BNIP2: variants seen among roughly 807,000 people sequenced by gnomAD.
BNIP2 encodes BCL2 interacting protein 2.
BNIP2 carries 36 observed loss-of-function variants against 43.4 expected under a neutral mutation model. The observed-to-expected ratio is 0.83, with a 90% CI of 0.64 to 1.10. The LOEUF (loss-of-function observed/expected upper bound fraction) is 1.10. BNIP2 is among the 50% of genes least tolerant of loss of function. The pLI is 0.00. For missense variants in BNIP2, 417 were observed against 374.1 expected, an observed-to-expected ratio of 1.11 and a Z score of -0.95; for synonymous variants, 146 against 121.0, an observed-to-expected ratio of 1.21 and a Z score of -1.35.
Position 59,688,893 on chromosome 15 carries a change from C to A in BNIP2, c.-58+242G>T, listed in dbSNP as rs1479187530. 2.7e-6 allele frequency: 4 copies of A among 1,475,712 alleles called. No homozygotes were observed. The African/African-American group carries it at 4.2e-5, about 16-fold the overall frequency. The allele number at this position is 1,475,712 out of a possible 1,614,324, so 91.4% of individuals were successfully genotyped here. On this transcript the variant is annotated intron_variant, in intron 1 of 9. Coordinates refer to ENST00000607373, the MANE Select transcript of BNIP2 (RefSeq NM_004330.4). ...ACAACTACCAGAAACGGAAAAGCGA[C>A]GGGGTGGGGGGCCAAACTGCCAAAT...
At chr15:59,676,815 G>T in intron 5 of BNIP2, 1 of 1,537,418 alleles carries the variant, frequency 6.5e-7, no homozygotes, top group South Asian at 1.2e-5. Context: ...CTGCAGCGCC[G>T]CTACTACTTC....
chr15:59,672,771 C>A (rs1472033205), intron 5 of BNIP2, 32 bp from the exon 6 acceptor site: 1 of 1,535,708 alleles, frequency 6.5e-7, no homozygotes, highest in Non-Finnish European at 9.0e-7. Context: ...GTATCACCAG[C>A]ACGATTTTAC....
intron 3 of BNIP2, among the ~76,000 whole-genome samples, chr15:59,679,993 T>C (rs542870410): frequency 6.6e-6 from 1 of 152,360 alleles, no homozygotes. Flanking sequence ...GCAGACCTTA[T>C]AGATACCTCT....
Position 59,660,851 on chromosome 15 carries a change from T to A in BNIP2, c.*3218A>T, listed in dbSNP as rs539180310. 1 of 152,316 alleles carries A rather than the reference T, an allele frequency of 6.6e-6. No individual in the cohort carries two copies. Among genetic ancestry groups the A allele is most frequent in the Admixed American group, 6.5e-5 (1 of 15,304 alleles). The allele number at this position is 152,316 out of a possible 1,614,324, so 9.4% of individuals were successfully genotyped here. ...TTAAGTGCTGTAACTGCTAACCTTCTCTGCTCGAACTTGCTTCTGTATGAA... is the reference window on the plus strand; with the variant it reads ...TTAAGTGCTGTAACTGCTAACCTTCACTGCTCGAACTTGCTTCTGTATGAA... On this transcript the variant is annotated 3_prime_UTR_variant, in exon 10 of 10. Coordinates refer to ENST00000607373, the MANE Select transcript of BNIP2 (RefSeq NM_004330.4).
chr15:59,686,973 C>T (rs367811002), intron 1 of BNIP2, among the ~76,000 whole-genome samples: 227 of 152,220 alleles, frequency 1.5e-3, no homozygotes, highest in African/African-American at 5.1e-3. Flanking sequence ...GCCGAGATTG[C>T]GCCATTGCAT....
intron 5 of BNIP2, among the ~76,000 whole-genome samples, chr15:59,673,738 T>C (rs1893083573): frequency 1.3e-5 from 2 of 152,118 alleles, no homozygotes; most frequent in Non-Finnish European, 1.5e-5. Context: ...GTGGGTGATT[T>C]TTAAAAGGTA....
At chr15:59,681,042 G>A (rs1246295478) in intron 2 of BNIP2, among the ~76,000 whole-genome samples, 1 of 152,174 alleles carries the variant, frequency 6.6e-6, no homozygotes, top group Non-Finnish European at 1.5e-5. Context: ...AAATATGACT[G>A]AAATGCACAA....
At chr15:59,676,352 T>A (rs1893290217) in intron 5 of BNIP2, among the ~76,000 whole-genome samples, 1 of 151,316 alleles carries the variant, frequency 6.6e-6, no homozygotes, top group African/African-American at 2.4e-5. Flanking sequence ...TTTATTTATT[T>A]TTTTATTTTT....
At position 59,660,349 on chromosome 15, in the gene BNIP2, C is replaced by T. The variant is rs1254812431; in HGVS notation, c.*3720G>A. ...AAACAAAATAGAATGGTGTAGCAAT[C>T]TCTATTTTCAGCCTATCTCCTACTC... On this transcript the variant is annotated 3_prime_UTR_variant, in exon 10 of 10. Coordinates refer to ENST00000607373, the MANE Select transcript of BNIP2 (RefSeq NM_004330.4). The T allele has an allele frequency of 6.6e-6, 1 of 152,180 alleles. No individual in the cohort carries two copies. Among genetic ancestry groups the T allele is most frequent in the Admixed American group, 6.5e-5 (1 of 15,278 alleles). 9.4% of individuals were successfully genotyped at this position (152,180 alleles called of 1,614,324 possible). A position where few individuals can be genotyped will look rare whatever the true frequency, so the allele number is the denominator to read the frequency against.
At position 59,682,487 on chromosome 15, in the gene BNIP2, ACT is replaced by A; in HGVS notation, c.-32_-31del. The A allele has an allele frequency of 6.2e-7, 1 of 1,613,078 alleles. No individual in the cohort carries two copies. Among genetic ancestry groups the A allele is most frequent in the East Asian group, 2.2e-5 (1 of 44,858 alleles). On this transcript the variant is annotated 5_prime_UTR_variant, in exon 2 of 10. Coordinates refer to ENST00000607373, the MANE Select transcript of BNIP2 (RefSeq NM_004330.4). ...AGCCTGGATTCAATGTCAACTACAA[ACT>A]CTTGATAATCCAGGGAGCCAATGTC... is the stretch of plus-strand genomic sequence containing the variant.
At chr15:59,687,230 A>T (rs1318366360) in intron 1 of BNIP2, among the ~76,000 whole-genome samples, 2 of 152,236 alleles carry the variant, frequency 1.3e-5, no homozygotes, top group Non-Finnish European at 2.9e-5. Context: ...TGTTGTAGTT[A>T]GAAATATTAG....
In BNIP2 at chr15:59,676,933, C is replaced by T. The variant is rs527781950; in HGVS notation, c.472+978G>A. On this transcript the variant is annotated intron_variant, in intron 5 of 9. Coordinates refer to ENST00000607373, the MANE Select transcript of BNIP2 (RefSeq NM_004330.4). Reference sequence around the variant, plus strand: ...CAGCCTACGGACTCTTCACCCTCTGCGAGAACAGCATGATCCTCTCTGCTG... The same window carrying T: ...CAGCCTACGGACTCTTCACCCTCTGTGAGAACAGCATGATCCTCTCTGCTG... 16 of 1,610,274 alleles carry T rather than the reference C, an allele frequency of 9.9e-6. No homozygotes were observed. The East Asian group carries it at 1.6e-4, about 16-fold the overall frequency.
At chr15:59,675,306 A>T (rs2899649) in intron 5 of BNIP2, among the ~76,000 whole-genome samples, 85,421 of 150,464 alleles carry the variant, frequency 0.57, 24,761 homozygotes, top group Middle Eastern at 0.66. Flanking sequence ...TTAAGAGTTA[A>T]GGTTAAAAAG....
intron 5 of BNIP2, 65 bp downstream of exon 5, chr15:59,677,846 C>T: frequency 2.0e-6 from 3 of 1,525,180 alleles, no homozygotes; most frequent in South Asian, 1.3e-5. Context: ...AACAGATATC[C>T]TTCCAAAAAA....
chr15:59,680,555 C>T (rs1036675385), intron 2 of BNIP2, among the ~76,000 whole-genome samples: 1 of 152,088 alleles, frequency 6.6e-6, no homozygotes, highest in Non-Finnish European at 1.5e-5. Context: ...ACTACAGGTG[C>T]GTGCCACGAC....
At chr15:59,677,670 A>C in intron 5 of BNIP2, 1 of 1,191,100 alleles carries the variant, frequency 8.4e-7, no homozygotes, top group Admixed American at 3.7e-5. Flanking sequence ...TGGGAAACTG[A>C]CATCAGATGT....
intron 5 of BNIP2, 188 bp downstream of exon 5, chr15:59,677,722 GT>G: frequency 8.7e-7 from 1 of 1,150,012 alleles, no homozygotes; most frequent in Non-Finnish European, 1.1e-6. Context: ...CTTGTGTAAA[GT>G]TACAAAAAAA....
rs1892131892 is a variant in BNIP2 at position 59,659,382 on chromosome 15, A to G, written c.*4687T>C. ...AACATCATCTTAAGAGTAGGAAAAT[A>G]TCACAGTACATTAATTTTGTCTAAA... On this transcript the variant is annotated 3_prime_UTR_variant, in exon 10 of 10. Coordinates refer to ENST00000607373, the MANE Select transcript of BNIP2 (RefSeq NM_004330.4). 6.6e-6 allele frequency: 1 copy of G among 152,244 alleles called. No homozygotes were observed. Among genetic ancestry groups the G allele is most frequent in the Non-Finnish European group, 1.5e-5 (1 of 68,040 alleles). 9.4% of individuals were successfully genotyped at this position (152,244 alleles called of 1,614,324 possible).
intron 7 of BNIP2, among the ~76,000 whole-genome samples, chr15:59,670,878 A>G (rs1473486019): frequency 6.6e-6 from 1 of 152,190 alleles, no homozygotes; most frequent in African/African-American, 2.4e-5. Flanking sequence ...GTTCGAGACC[A>G]GCCTGACCAA....
Sources: allele counts gnomAD v4.1 joint callset (sites outside exome capture counted in the v4.1 genomes callset), GRCh38; gene constraint gnomAD v4.1.1; transcripts MANE v1.5; gene names NCBI Gene and HGNC (gene_info 2026-07-23, HGNC 2026-07-21).